The following SLC4A4 variants were observed in gnomAD, a reference collection of about 807,000 sequenced individuals.
The protein encoded by SLC4A4 is electrogenic sodium bicarbonate cotransporter 1.
In SLC4A4, 27 loss-of-function variants were observed where a neutral mutation model predicts 111.5. The ratio of observed to expected loss-of-function variants is 0.24; its 90% confidence interval spans 0.18 to 0.33. The LOEUF is 0.33. Among genes scored for constraint, SLC4A4 ranks in the 10% least tolerant of loss-of-function variants. The pLI is 1.00. For synonymous variants in SLC4A4, 443 were observed against 463.4 expected (o/e 0.96, Z 0.57); for missense variants, 909 against 1,315.5 (o/e 0.69, Z 4.78).
chr4:71,506,883 C>A (rs1362525609), intron 16 of SLC4A4, among the ~76,000 whole-genome samples: 3 of 152,018 alleles, frequency 2.0e-5, no homozygotes, highest in African/African-American at 7.3e-5. Flanking sequence ...CCCATGAGAC[C>A]AACAGTGGGC....
chr4:71,495,904 T>C (rs116549415), intron 15 of SLC4A4, among the ~76,000 whole-genome samples: 1 of 152,088 alleles, frequency 6.6e-6, no homozygotes, highest in Non-Finnish European at 1.5e-5. Context: ...CCCAACCACA[T>C]TGGCATCCAT....
intron 3 of SLC4A4, among the ~76,000 whole-genome samples, chr4:71,292,022 A>G (rs1050789263): frequency 2.6e-5 from 4 of 151,684 alleles, no homozygotes; most frequent in Non-Finnish European, 5.9e-5. Flanking sequence ...ATCCAGTCAT[A>G]CTCTTTTAGT....
chr4:71,412,407 G>A (rs923229060), intron 7 of SLC4A4, among the ~76,000 whole-genome samples: 1 of 152,216 alleles, frequency 6.6e-6, no homozygotes, highest in Admixed American at 6.5e-5. Context: ...GCTCATGAAA[G>A]TTGCCTTCCA....
At chr4:71,491,135 T>C (rs1729865342) in intron 15 of SLC4A4, among the ~76,000 whole-genome samples, 2 of 151,866 alleles carry the variant, frequency 1.3e-5, no homozygotes, top group African/African-American at 2.4e-5. Flanking sequence ...CAGTTTATCT[T>C]GATGTCTTAT....
At chr4:71,524,304 T>G (rs1340918759) in intron 16 of SLC4A4, among the ~76,000 whole-genome samples, 1 of 152,180 alleles carries the variant, frequency 6.6e-6, no homozygotes, top group Non-Finnish European at 1.5e-5. Context: ...CATTTGCTTC[T>G]GGTATACACA....
In SLC4A4 at chr4:71,358,926, A is replaced by T. The variant is rs767306793; in HGVS notation, c.730+1739A>T. The stretch of plus-strand genomic sequence containing the variant: ...TGAAATCCCAATATTTGCTGATTTA[A>T]TTCGTTTATCATGGGGTTGGGGGAA... On this transcript the variant is annotated intron_variant, in intron 6 of 25. Coordinates refer to ENST00000264485, the MANE Select transcript of SLC4A4 (RefSeq NM_001098484.3). Among the ~76,000 whole-genome samples, 3 of 152,176 alleles carry T rather than the reference A, an allele frequency of 2.0e-5. No homozygotes were observed. The South Asian group carries it at 6.2e-4, about 32-fold the overall frequency.
intron 24 of SLC4A4, among the ~76,000 whole-genome samples, chr4:71,566,629 G>A (rs914506370): frequency 1.3e-5 from 2 of 151,228 alleles, no homozygotes; most frequent in East Asian, 2.0e-4. Flanking sequence ...ATGAGTAAGT[G>A]CCTCAAAAAA....
At chr4:71,075,084 G>A (rs990483962) in intron 1 of SLC4A4, among the ~76,000 whole-genome samples, 1 of 152,186 alleles carries the variant, frequency 6.6e-6, no homozygotes, top group Non-Finnish European at 1.5e-5. Context: ...ATTAGCACCA[G>A]GATTAGGCTG....
At chr4:71,439,501 G>A (rs577341955) in intron 7 of SLC4A4, among the ~76,000 whole-genome samples, 1 of 127,910 alleles carries the variant, frequency 7.8e-6, no homozygotes, top group African/African-American at 2.9e-5. Context: ...CCTCCATCTT[G>A]CCAAATTTAT....
intron 7 of SLC4A4, among the ~76,000 whole-genome samples, chr4:71,419,477 G>C (rs573885624): frequency 3.9e-4 from 59 of 152,302 alleles, no homozygotes; most frequent in Non-Finnish European, 7.5e-4. Flanking sequence ...GCGAGACTCC[G>C]TGGGCGTAGG....
chr4:71,403,710 G>T lies in SLC4A4; in HGVS notation c.807+6057G>T, dbSNP rs560356883. 4.6e-5 allele frequency among the ~76,000 whole-genome samples: 7 copies of T among 152,262 alleles called. No homozygotes were observed. The South Asian group carries it at 1.5e-3, about 32-fold the overall frequency. The stretch of plus-strand genomic sequence containing the variant: ...CAGTGGTAGACAAGTCAGGAAAATA[G>T]GCCGGAGGACCTTTTATTTTATTCT... On this transcript the variant is annotated intron_variant, in intron 7 of 25. Transcript: ENST00000264485.
rs1431355613 is a variant in SLC4A4 at position 71,323,793 on chromosome 4, CACTACTGTGTTGTTTTGGCATCCCCAA to C, written c.254-15499_254-15473del. Among the ~76,000 whole-genome samples the C allele has an allele frequency of 9.7e-3, 1,459 of 149,852 alleles. 208 individuals carry two copies. Among genetic ancestry groups the C allele is most frequent in the African/African-American group, 0.034 (1,341 of 39,592 alleles). On this transcript the variant is annotated intron_variant, in intron 3 of 25. Coordinates refer to ENST00000264485, the MANE Select transcript of SLC4A4 (RefSeq NM_001098484.3). ...CTTCTTTGTCTCCTGGTTTTGTTTT[CACTACTGTGTTGTTTTGGCATCCCCAA>C]ACTACTGTGTTGTTTTGGCATCCCC... is the stretch of plus-strand genomic sequence containing the variant.
intron 1 of SLC4A4, among the ~76,000 whole-genome samples, chr4:71,190,932 A>G (rs1052904708): frequency 2.6e-5 from 4 of 152,240 alleles, no homozygotes; most frequent in Non-Finnish European, 5.9e-5. Flanking sequence ...AAAATTTTTC[A>G]GAATTACAAT....
intron 3 of SLC4A4, among the ~76,000 whole-genome samples, chr4:71,272,213 G>T (rs1722751137): frequency 1.3e-5 from 2 of 152,196 alleles, no homozygotes; most frequent in African/African-American, 4.8e-5. Flanking sequence ...GCTTCAGTAG[G>T]AGGTGAGTTG....
chr4:71,459,031 TG>T (rs1024450967), intron 12 of SLC4A4, among the ~76,000 whole-genome samples: 30 of 152,076 alleles, frequency 2.0e-4, no homozygotes, highest in Admixed American at 6.6e-4. Flanking sequence ...CTGCATTACC[TG>T]GTTGCCTTTA....
intron 6 of SLC4A4, among the ~76,000 whole-genome samples, chr4:71,383,138 G>C (rs1718315199): frequency 1.3e-5 from 2 of 152,032 alleles, no homozygotes; most frequent in Admixed American, 1.3e-4. Context: ...CACTGCTTTA[G>C]TAGTAAATAT....
In SLC4A4 at chr4:71,453,595, T is replaced by C; in HGVS notation, c.1423T>C (p.Phe475Leu). ...LNIQALSAIL[F>L]IYLATVTNAI... is the part of the protein sequence containing the mutation. ...TATTCAAGCTCTTTCGGCAATTCTC[T>C]TCATTTATCTGGCAACTGTAACTAA... The change falls in exon 12 of 26, where the codon TTC becomes CTC. Residue 475 changes from phenylalanine (F) to leucine (L), a missense_variant. Phe to Leu is a conservative substitution (Grantham distance 22, BLOSUM62 0). This residue lies in a region of SLC4A4 where 312 missense variants were observed against 402.0 expected (regional missense o/e 0.78). Transcript: ENST00000264485. The C allele has an allele frequency of 6.2e-7, 1 of 1,613,994 alleles. No homozygotes were observed.
chr4:71,163,445 G>A (rs972003875), intron 2 of SLC4A4, among the ~76,000 whole-genome samples: 1 of 152,154 alleles, frequency 6.6e-6, no homozygotes. Context: ...GTTTTCTTCT[G>A]CTGTGATGTC....
chr4:71,346,716 A>G (rs969933636), intron 4 of SLC4A4, among the ~76,000 whole-genome samples: 1 of 152,132 alleles, frequency 6.6e-6, no homozygotes, highest in Non-Finnish European at 1.5e-5. Context: ...AGGAGGCTAG[A>G]CAAAGCATGT....
Sources: allele counts gnomAD v4.1 joint callset (sites outside exome capture counted in the v4.1 genomes callset), GRCh38; gene constraint gnomAD v4.1.1; regional missense constraint gnomAD v4.1.1; transcripts MANE v1.5; gene names NCBI Gene and HGNC (gene_info 2026-07-23, HGNC 2026-07-21).